MACC1: variants seen among roughly 807,000 people sequenced by gnomAD.
MACC1 encodes the protein metastasis-associated in colon cancer protein 1.
MACC1 carries 79 observed loss-of-function variants against 70.7 expected under a neutral mutation model. The ratio of observed to expected loss-of-function variants is 1.12; its 90% CI spans 0.93 to 1.35. The LOEUF (loss-of-function observed/expected upper bound fraction) is 1.35, where lower values mean the gene tolerates loss of function less well. Ranked by LOEUF, MACC1 falls within the 40% of genes most tolerant of loss-of-function variation. The pLI, the probability that MACC1 is intolerant of heterozygous loss-of-function variation, is 0.00. For missense variants in MACC1, 1,106 were observed against 978.1 expected (o/e 1.13, Z -1.74); for synonymous variants, 361 against 347.2 (o/e 1.04, Z -0.44).
intron 6 of MACC1, among the ~76,000 whole-genome samples, chr7:20,146,540 T>C (rs183518736): frequency 1.3e-5 from 2 of 152,312 alleles, no homozygotes; most frequent in East Asian, 3.9e-4. Context: ...AGGAATAAAA[T>C]GCGTAGAATA....
intron 1 of MACC1, among the ~76,000 whole-genome samples, chr7:20,171,655 C>T (rs1334680284): frequency 1.3e-5 from 2 of 150,498 alleles, no homozygotes; most frequent in Non-Finnish European, 3.0e-5. Context: ...GATCTCAGCT[C>T]GCTGCAACCT....
intron 1 of MACC1, among the ~76,000 whole-genome samples, chr7:20,203,223 T>C (rs1345728560): frequency 6.6e-6 from 1 of 152,114 alleles, no homozygotes; most frequent in African/African-American, 2.4e-5. Context: ...GCAAGACTGA[T>C]CCTCCCCTCC....
chr7:20,210,753 A>G (rs1460530106), intron 1 of MACC1, among the ~76,000 whole-genome samples: 1 of 152,240 alleles, frequency 6.6e-6, no homozygotes, highest in Non-Finnish European at 1.5e-5. Flanking sequence ...ATGTAGCCCC[A>G]GAACCTCTTA....
At chr7:20,190,967 C>T (rs1012005878) in intron 1 of MACC1, among the ~76,000 whole-genome samples, 3 of 152,160 alleles carry the variant, frequency 2.0e-5, no homozygotes, top group Non-Finnish European at 4.4e-5. Context: ...AGAAACAAAG[C>T]ACCAGTATTT....
intron 2 of MACC1, among the ~76,000 whole-genome samples, chr7:20,166,624 T>C (rs1782224306): frequency 6.6e-6 from 1 of 152,226 alleles, no homozygotes. Flanking sequence ...AGCAGTTACT[T>C]TTCCCCAAGG....
intron 1 of MACC1, among the ~76,000 whole-genome samples, chr7:20,216,808 T>C (rs1253441711): frequency 6.6e-6 from 1 of 152,184 alleles, no homozygotes; most frequent in African/African-American, 2.4e-5. Flanking sequence ...GCACACACAC[T>C]TTACAGATGA....
chr7:20,162,699 A>T (rs1038853414), intron 3 of MACC1, among the ~76,000 whole-genome samples: 1 of 152,310 alleles, frequency 6.6e-6, no homozygotes, highest in East Asian at 1.9e-4. Context: ...ATTATTCATT[A>T]AACAGTGATG....
Position 20,154,188 on chromosome 7 carries a change from C to A in MACC1, c.2346+5G>T. On this transcript the variant is annotated splice_donor_5th_base_variant and intron_variant, in intron 6 of 6. Coordinates refer to ENST00000400331, the MANE Select transcript of MACC1 (RefSeq NM_182762.4). ...ACTATTGAATTACACAAACAGAAGT[C>A]TTACCTCAACAGCAACATCTCCAGT... 6.2e-7 allele frequency: 1 copy of A among 1,613,730 alleles called. No individual in the cohort carries two copies. Among genetic ancestry groups the A allele is most frequent in the East Asian group, 2.2e-5 (1 of 44,870 alleles).
At chr7:20,200,423 G>C (rs1361123633) in intron 1 of MACC1, among the ~76,000 whole-genome samples, 4 of 152,180 alleles carry the variant, frequency 2.6e-5, no homozygotes, top group Non-Finnish European at 4.4e-5. Context: ...AGGTTACTGG[G>C]AGACCTTTGA....
In MACC1 at chr7:20,158,184, C is replaced by T; in HGVS notation, c.2157+20G>A. The T allele has an allele frequency of 6.5e-7, 1 of 1,532,558 alleles. No homozygotes were observed. The highest frequency in any genetic ancestry group is 8.7e-7 in the Non-Finnish European group (1 of 1,148,244). The allele number at this position is 1,532,558 out of a possible 1,614,324, so 94.9% of individuals were successfully genotyped here. On this transcript the variant is annotated intron_variant, in intron 5 of 6. Transcript: ENST00000400331. ...ACAATTCTCGATGGCAATTCATTAC[C>T]ATGATCAAGCAATACTCACCACAAT...
intron 1 of MACC1, among the ~76,000 whole-genome samples, chr7:20,171,900 G>A (rs11977748): frequency 0.025 from 3,743 of 152,256 alleles, 158 homozygotes; most frequent in African/African-American, 0.086. Context: ...GTGATGATGT[G>A]AGTTACAAGA....
intron 6 of MACC1, chr7:20,142,114 G>A (rs1292306869): frequency 1.3e-5 from 2 of 152,182 alleles, no homozygotes; most frequent in African/African-American, 4.8e-5. Context: ...CTTGCAAAAT[G>A]TAGGAACATA....
intron 1 of MACC1, among the ~76,000 whole-genome samples, chr7:20,191,454 C>A (rs888706755): frequency 1.4e-5 from 2 of 146,508 alleles, no homozygotes; most frequent in Non-Finnish European, 3.0e-5. Context: ...CCTGGCCCTA[C>A]GTAGCTGGCG....
At chr7:20,183,820 G>A (rs1782546840) in intron 1 of MACC1, among the ~76,000 whole-genome samples, 1 of 150,448 alleles carries the variant, frequency 6.6e-6, no homozygotes, top group African/African-American at 2.5e-5. Flanking sequence ...CAATTCTCCT[G>A]CCTCAGCTTC....
chr7:20,172,790 C>A (rs997816852), intron 1 of MACC1, among the ~76,000 whole-genome samples: 6 of 152,302 alleles, frequency 3.9e-5, no homozygotes, highest in African/African-American at 1.4e-4. Flanking sequence ...CCTCCATCTC[C>A]CCTTTATTTA....
chr7:20,160,197 A>G lies in MACC1; in HGVS notation c.164T>C (p.Leu55Pro), dbSNP rs1384902604. ...AACTTTGGAAGCATTATTACCACGA[A>G]GGGTGAAAGCATCCGGCCAATTGTG... Reference protein sequence around the residue: ...LLHNWPDAFTLRGNNASKVAN... With the variant: ...LLHNWPDAFTPRGNNASKVAN... Residue 55 changes from leucine (L) to proline (P), a missense_variant, in exon 5 of 7, where the codon CTT becomes CCT. Coordinates refer to ENST00000400331, the MANE Select transcript of MACC1 (RefSeq NM_182762.4). 2 of 1,600,992 alleles carry G rather than the reference A, an allele frequency of 1.2e-6. No homozygotes were observed. Among genetic ancestry groups the G allele is most frequent in the Admixed American group, 1.8e-5 (1 of 56,864 alleles).
intron 6 of MACC1, among the ~76,000 whole-genome samples, chr7:20,152,475 G>T (rs76457607): frequency 6.6e-6 from 1 of 152,202 alleles, no homozygotes; most frequent in East Asian, 1.9e-4. Context: ...AAGTGACCTC[G>T]TACGTAAGAT....
chr7:20,179,616 C>T (rs541987059), intron 1 of MACC1, among the ~76,000 whole-genome samples: 4 of 152,308 alleles, frequency 2.6e-5, no homozygotes, highest in East Asian at 1.9e-4. Context: ...GAGTATTTTC[C>T]ATTTCCTAGG....
intron 4 of MACC1, 103 bp downstream of exon 4, chr7:20,161,645 C>T: frequency 1.5e-6 from 1 of 681,196 alleles, no homozygotes; most frequent in South Asian, 2.1e-5. Context: ...TTTTATAATT[C>T]TTTTCATCTT....
Sources: allele counts gnomAD v4.1 joint callset (sites outside exome capture counted in the v4.1 genomes callset), GRCh38; gene constraint gnomAD v4.1.1; transcripts MANE v1.5; gene names NCBI Gene and HGNC (gene_info 2026-07-23, HGNC 2026-07-21).